Variants in SEM1 observed in about 807,000 individuals in gnomAD.
SEM1 encodes SEM1 26S proteasome subunit.
A neutral mutation model predicts 12.7 loss-of-function variants in SEM1; 3 were observed. That is an observed-to-expected ratio of 0.24 (90% CI 0.11 to 0.61). The LOEUF is 0.61. Among genes scored for constraint, SEM1 ranks in the 20% least tolerant of loss-of-function variants. The probability of loss-of-function intolerance (pLI) is 0.88; values close to 1 mark genes in which losing one functional copy is unlikely to be tolerated. For synonymous variants in SEM1, 30 were observed against 27.8 expected (o/e 1.08, Z -0.25); for missense variants, 59 against 81.3 (o/e 0.73, Z 1.06).
At chr7:96,670,638 T>C (rs1789290953), downstream of SEM1, among the ~76,000 whole-genome samples, 1 of 152,200 alleles carries the variant, frequency 6.6e-6, no homozygotes, top group South Asian at 2.1e-4. Flanking sequence ...ACAGACCAAA[T>C]TTCTAAACTG....
intron 2 of SEM1, among the ~76,000 whole-genome samples, chr7:96,551,945 G>A (rs2115846436): frequency 6.6e-6 from 1 of 152,212 alleles, no homozygotes; most frequent in African/African-American, 2.4e-5. Context: ...CTATATTTCT[G>A]TTGTTTTACG....
chr7:96,577,642 C>T (rs1245249152), intron 2 of SEM1, among the ~76,000 whole-genome samples: 1 of 151,814 alleles, frequency 6.6e-6, no homozygotes, highest in African/African-American at 2.4e-5. Flanking sequence ...CCTTGGAAAA[C>T]CCAGAGCTCA....
At chr7:96,553,118 C>T (rs542937400) in intron 2 of SEM1, among the ~76,000 whole-genome samples, 5 of 152,138 alleles carry the variant, frequency 3.3e-5, no homozygotes, top group South Asian at 4.2e-4. Context: ...GAGTAGGTTG[C>T]GAAAATTTTC....
chr7:96,703,968 TAA>T (rs1291345276), intron 1 of SEM1, among the ~76,000 whole-genome samples: 37 of 90,166 alleles, frequency 4.1e-4, no homozygotes, highest in African/African-American at 9.6e-4. Flanking sequence ...CCTTGTCTCT[TAA>T]AAACACACAC....
At chr7:96,515,937 G>T (rs947707265) in intron 2 of SEM1, among the ~76,000 whole-genome samples, 1 of 151,996 alleles carries the variant, frequency 6.6e-6, no homozygotes, top group Non-Finnish European at 1.5e-5. Flanking sequence ...ATGATGAGTT[G>T]ATGGGTGCAG....
At chr7:96,542,043 T>A (rs753718764) in intron 2 of SEM1, among the ~76,000 whole-genome samples, 139 of 151,466 alleles carry the variant, frequency 9.2e-4, no homozygotes, top group Non-Finnish European at 1.7e-3. Context: ...CTGGCTTTTT[T>A]ATTTTTGCTT....
At chr7:96,541,944 CTTTTT>C (rs34050482) in intron 2 of SEM1, among the ~76,000 whole-genome samples, 1 of 92,436 alleles carries the variant, frequency 1.1e-5, no homozygotes, top group Non-Finnish European at 2.1e-5. Flanking sequence ...GCCTATGTGT[CTTTTT>C]TTTTTTTTTT....
intron 2 of SEM1, among the ~76,000 whole-genome samples, chr7:96,559,351 C>T (rs976252533): frequency 2.0e-5 from 3 of 152,216 alleles, no homozygotes; most frequent in East Asian, 1.9e-4. Context: ...GGCACAATCT[C>T]GGCTATTCCA....
At chr7:96,645,084 A>G (rs1223898057) in intron 2 of SEM1, among the ~76,000 whole-genome samples, 1 of 152,148 alleles carries the variant, frequency 6.6e-6, no homozygotes, top group Non-Finnish European at 1.5e-5. Context: ...TCTTAATGCC[A>G]TCTTTATACT....
intron 2 of SEM1, among the ~76,000 whole-genome samples, chr7:96,543,336 G>T (rs1208433242): frequency 6.6e-6 from 1 of 151,942 alleles, no homozygotes; most frequent in East Asian, 1.9e-4. Context: ...TACACTGTTT[G>T]ATATAAGGCA....
intron 2 of SEM1, among the ~76,000 whole-genome samples, chr7:96,623,885 C>T (rs899108191): frequency 2.6e-5 from 4 of 152,056 alleles, no homozygotes; most frequent in African/African-American, 9.7e-5. Flanking sequence ...TTGCTTTTTC[C>T]AGCTTGTGTT....
intron 2 of SEM1, among the ~76,000 whole-genome samples, chr7:96,628,274 T>G: frequency 6.6e-6 from 1 of 152,136 alleles, no homozygotes. Flanking sequence ...ACTCCTGCCA[T>G]TTTGTTATTT....
chr7:96,552,564 C>A (rs1309435700), intron 2 of SEM1, among the ~76,000 whole-genome samples: 1 of 147,648 alleles, frequency 6.8e-6, no homozygotes, highest in Non-Finnish European at 1.5e-5. Flanking sequence ...TGTATATGTG[C>A]CACATTTTCT....
chr7:96,664,539 A>G (rs1789114837), intron 2 of SEM1, among the ~76,000 whole-genome samples: 1 of 152,226 alleles, frequency 6.6e-6, no homozygotes, highest in Admixed American at 6.5e-5. Flanking sequence ...TTGGGTGATT[A>G]GTTTTGGCCC....
intron 2 of SEM1, among the ~76,000 whole-genome samples, chr7:96,598,813 G>C (rs988397243): frequency 6.6e-6 from 1 of 152,084 alleles, no homozygotes; most frequent in Non-Finnish European, 1.5e-5. Flanking sequence ...GTTGTTGTTT[G>C]CCTGTTAAAT....
At chr7:96,704,863 A>G (rs770027963) in intron 1 of SEM1, among the ~76,000 whole-genome samples, 27 of 152,198 alleles carry the variant, frequency 1.8e-4, no homozygotes, top group Non-Finnish European at 3.8e-4. Context: ...TCCTGTTGGT[A>G]TATGCTGTTC....
rs545732885 is a variant in SEM1 at position 96,577,471 on chromosome 7, T to C, written c.171-70773A>G. ...TTATTTATAATTCATAATGTATTGA[T>C]TAAATAACAAAACACCCAGCAGAGA... is the stretch of plus-strand genomic sequence containing the variant. On this transcript the variant is annotated intron_variant and NMD_transcript_variant, in intron 2 of 3. Coordinates refer to the SEM1 transcript ENST00000466986. Among the ~76,000 whole-genome samples, 8 of 152,120 alleles carry C rather than the reference T, an allele frequency of 5.3e-5. No homozygotes were observed. The East Asian group carries it at 1.3e-3, about 26-fold the overall frequency.
At chr7:96,507,450 C>G (rs2117286478) in intron 2 of SEM1, among the ~76,000 whole-genome samples, 1 of 152,162 alleles carries the variant, frequency 6.6e-6, no homozygotes, top group Middle Eastern at 3.4e-3. Context: ...CACATTCTGG[C>G]CAACATAACC....
At chr7:96,649,217 T>G (rs1808891542) in intron 2 of SEM1, 1 of 152,220 alleles carries the variant, frequency 6.6e-6, no homozygotes, top group Admixed American at 6.5e-5. Flanking sequence ...TGAACTTTTA[T>G]TAAACCAATA....
Sources: allele counts gnomAD v4.1 joint callset (sites outside exome capture counted in the v4.1 genomes callset), GRCh38; gene constraint gnomAD v4.1.1; transcripts MANE v1.5; gene names NCBI Gene and HGNC (gene_info 2026-07-23, HGNC 2026-07-21).